Variants in CPSF4L observed in about 807,000 individuals in gnomAD.
CPSF4L encodes the protein putative cleavage and polyadenylation specificity factor subunit 4-like protein.
Under a neutral mutation model 24.0 loss-of-function variants are expected in CPSF4L, and 18 were observed. The observed-to-expected ratio is 0.75, with a 90% CI of 0.52 to 1.11. CPSF4L has a LOEUF of 1.11. Ranked by LOEUF, CPSF4L falls within the 50% of genes least tolerant of loss-of-function variation. CPSF4L has a pLI of 0.00. For synonymous variants in CPSF4L, 72 were observed against 77.2 expected (o/e 0.93, Z 0.35); for missense variants, 211 against 221.8 (o/e 0.95, Z 0.31).
intron 3 of CPSF4L, among the ~76,000 whole-genome samples, chr17:73,256,837 G>A (rs1314586232): frequency 6.6e-6 from 1 of 152,122 alleles, no homozygotes; most frequent in African/African-American, 2.4e-5. Flanking sequence ...GACCAGCCTG[G>A]CCAACGTGGC....
intron 5 of CPSF4L, 77 bp from the exon 6 acceptor site, chr17:73,248,613 G>A (rs2061985130): frequency 7.1e-7 from 1 of 1,416,334 alleles, no homozygotes; most frequent in East Asian, 2.5e-5. Context: ...TCCCGCAGAA[G>A]AGGCATGGTG....
At chr17:73,255,618 A>AG (rs1454856797) in intron 3 of CPSF4L, among the ~76,000 whole-genome samples, 1 of 151,716 alleles carries the variant, frequency 6.6e-6, no homozygotes, top group African/African-American at 2.4e-5. Context: ...GGGCTCAGAG[A>AG]GGGGAAAAGG....
intron 3 of CPSF4L, 128 bp downstream of exon 3, chr17:73,257,553 C>A: frequency 1.1e-6 from 1 of 916,608 alleles, no homozygotes; most frequent in Non-Finnish European, 1.6e-6. Flanking sequence ...GAGACTCAGA[C>A]AGGTCTCTCT....
chr17:73,258,232 G>C (rs902901134), intron 2 of CPSF4L, among the ~76,000 whole-genome samples: 5 of 152,046 alleles, frequency 3.3e-5, no homozygotes, highest in African/African-American at 9.7e-5. Context: ...GGATGGTCTC[G>C]ATCTCCTGAC....
At chr17:73,262,004 AC>A (rs1378895725), upstream of CPSF4L, 2 of 591,154 alleles carry the variant, frequency 3.4e-6, no homozygotes, top group Non-Finnish European at 6.0e-6. Context: ...CAGCTGCCTC[AC>A]CCGGCCCACC....
At chr17:73,250,874 T>C (rs1247580319) in intron 5 of CPSF4L, 1 of 918,032 alleles carries the variant, frequency 1.1e-6, no homozygotes, top group Non-Finnish European at 1.6e-6. Flanking sequence ...CACTCCTATC[T>C]GCTGCAGAAA....
At chr17:73,245,767 A>T (rs537381827), downstream of CPSF4L, 1 of 943,766 alleles carries the variant, frequency 1.1e-6, no homozygotes, top group Non-Finnish European at 1.3e-6. Flanking sequence ...TTTTAAGCTG[A>T]TTTTTAAAAT....
chr17:73,261,094 C>CTAT (rs1875840575), intron 1 of CPSF4L, 111 bp from the exon 2 acceptor site: 1 of 840,288 alleles, frequency 1.2e-6, no homozygotes, highest in Non-Finnish European at 1.9e-6. Flanking sequence ...AGGCTCTGGC[C>CTAT]TATGGGATCC....
downstream of CPSF4L, among the ~76,000 whole-genome samples, chr17:73,246,199 A>G (rs2145257786): frequency 1.3e-5 from 2 of 152,306 alleles, no homozygotes; most frequent in African/African-American, 4.8e-5. Flanking sequence ...CCTCATGCCA[A>G]AATACATGAG....
chr17:73,252,567 C>A, intron 5 of CPSF4L, 63 bp downstream of exon 5: 1 of 1,008,038 alleles, frequency 9.9e-7, no homozygotes, highest in South Asian at 1.4e-5. Context: ...ATGGAAAGAT[C>A]TAGAACTAGA....
rs971063004 is a variant in CPSF4L, at chr17:73,258,425, C to G, written c.155-592G>C. On this transcript the variant is annotated intron_variant, in intron 2 of 5. Transcript: ENST00000344935. ...GGTTCAAGTGATCCTCCTGCCTCAG[C>G]CTCCCAAGTAGCTGGGATTACACCT... Among the ~76,000 whole-genome samples, 3 of 152,282 alleles carry G rather than the reference C, an allele frequency of 2.0e-5. No homozygotes were observed. In the East Asian group the frequency reaches 5.8e-4, roughly 29 times the overall value.
chr17:73,243,096 T>TGG, the CPSF4L span: 2 of 995,258 alleles, frequency 2.0e-6, no homozygotes, highest in African/African-American at 3.3e-5. Context: ...TTTTTTTTTT[T>TGG]TTTTTACAGC....
At position 73,261,340 on chromosome 17, in the gene CPSF4L, A is replaced by G. The variant is rs540248310; in HGVS notation, c.104-357T>C. 1.2e-4 allele frequency among the ~76,000 whole-genome samples: 19 copies of G among 152,344 alleles called. No individual in the cohort carries two copies. In the South Asian group the frequency reaches 3.7e-3, roughly 30 times the overall value. ...CAGAGAAGGGGCGGTCGCATCAGGG[A>G]GTTGAGCAGAGAGGCCTGTAGAGAA... On this transcript the variant is annotated intron_variant, in intron 1 of 5. Coordinates refer to ENST00000344935, the MANE Select transcript of CPSF4L (RefSeq NM_001129885.1).
At chr17:73,249,939 T>G (rs529484042) in intron 5 of CPSF4L, 2 of 259,216 alleles carry the variant, frequency 7.7e-6, no homozygotes, top group South Asian at 1.9e-4. Flanking sequence ...AACCCAGACC[T>G]GTTGGTAGGA....
At chr17:73,261,673 A>AG in intron 1 of CPSF4L, 43 bp downstream of exon 1, 1 of 1,338,248 alleles carries the variant, frequency 7.5e-7, no homozygotes, top group Non-Finnish European at 1.0e-6. Flanking sequence ...AGAAAAAAAA[A>AG]CAGAGAAGGT....
upstream of CPSF4L, among the ~76,000 whole-genome samples, chr17:73,263,104 G>T (rs2062053330): frequency 6.6e-6 from 1 of 152,146 alleles, no homozygotes; most frequent in Admixed American, 6.5e-5. Context: ...GGGGTCCCTG[G>T]GGTAGAAACC....
intron 5 of CPSF4L, among the ~76,000 whole-genome samples, chr17:73,249,179 T>C (rs1452380189): frequency 6.6e-6 from 1 of 152,178 alleles, no homozygotes; most frequent in Non-Finnish European, 1.5e-5. Flanking sequence ...GCAGCTGTTC[T>C]AAAGCCTGTA....
At position 73,261,735 on chromosome 17, in the gene CPSF4L, C is replaced by G. The variant is rs1170429993; in HGVS notation, c.84G>C (p.Leu28=). Residue 28 remains leucine (L), a synonymous_variant, in exon 1 of 6, where the codon CTG becomes CTC. Coordinates refer to ENST00000344935, the MANE Select transcript of CPSF4L (RefSeq NM_001129885.1). ...ACTCACTGTCCATGCCCTGGAAAGG[C>G]AGGAGCCCAGTGCCCTTCTGCATCT... ...DVEMQKGTGL[L]PFQGMDKSAS... 1.3e-6 allele frequency: 2 copies of G among 1,551,318 alleles called. No individual in the cohort carries two copies. Among genetic ancestry groups the G allele is most frequent in the Admixed American group, 2.0e-5 (1 of 51,010 alleles).
downstream of CPSF4L, chr17:73,247,094 T>C (rs901542985): frequency 3.0e-6 from 2 of 677,710 alleles, no homozygotes; most frequent in African/African-American, 3.6e-5. Flanking sequence ...TGTTTTTGTA[T>C]GTAGTCAAAA....
Sources: gnomAD v4.1 joint callset for allele counts (sites outside exome capture counted in the v4.1 genomes callset) on GRCh38, gnomAD v4.1.1 for gene constraint, MANE v1.5 for transcripts, NCBI Gene and HGNC (gene_info 2026-07-23, HGNC 2026-07-21) for gene names.